The following HS3ST2 variants were observed in gnomAD, a reference collection of about 807,000 sequenced individuals.
HS3ST2 encodes heparan sulfate glucosamine 3-O-sulfotransferase 2.
A neutral mutation model predicts 26.3 loss-of-function variants in HS3ST2; 17 were observed. The observed-to-expected ratio is 0.65, with a 90% CI of 0.44 to 0.97. The LOEUF (loss-of-function observed/expected upper bound fraction) is 0.97, where lower values mean the gene tolerates loss of function less well. Ranked by LOEUF, HS3ST2 falls within the 50% of genes least tolerant of loss-of-function variation. The probability of loss-of-function intolerance (pLI) is 0.00; values close to 1 mark genes in which losing one functional copy is unlikely to be tolerated. For missense variants in HS3ST2, 402 were observed against 501.2 expected, an observed-to-expected ratio of 0.80 and a Z score of 1.89; for synonymous variants, 237 against 219.2, an observed-to-expected ratio of 1.08 and a Z score of -0.72.
intron 1 of HS3ST2, among the ~76,000 whole-genome samples, chr16:22,846,291 T>G (rs1262616154): frequency 7.4e-5 from 11 of 149,534 alleles, no homozygotes; most frequent in Admixed American, 2.7e-4. Flanking sequence ...AAAAAAAAAG[T>G]ATATATGTAT....
intron 1 of HS3ST2, among the ~76,000 whole-genome samples, chr16:22,892,936 T>C (rs998629901): frequency 2.6e-5 from 4 of 152,230 alleles, no homozygotes; most frequent in Admixed American, 6.5e-5. Context: ...GAATTACACT[T>C]GATTTATAGA....
chr16:22,847,940 AAGG>A (rs1453935094), intron 1 of HS3ST2, among the ~76,000 whole-genome samples: 1 of 151,180 alleles, frequency 6.6e-6, no homozygotes, highest in Non-Finnish European at 1.5e-5. Context: ...GGAAGGAAGG[AAGG>A]AGGGAGGGAA....
At chr16:22,872,215 A>G (rs1428975698) in intron 1 of HS3ST2, among the ~76,000 whole-genome samples, 2 of 152,246 alleles carry the variant, frequency 1.3e-5, no homozygotes, top group Non-Finnish European at 2.9e-5. Flanking sequence ...AAACCCAAGT[A>G]AAAGACTATT....
chr16:22,909,539 C>G (rs566195916), intron 1 of HS3ST2, among the ~76,000 whole-genome samples: 2 of 152,236 alleles, frequency 1.3e-5, no homozygotes, highest in African/African-American at 4.8e-5. Flanking sequence ...TACCTTTGCA[C>G]GTTATCATCA....
chr16:22,915,575 A>G lies in HS3ST2; in HGVS notation c.*13A>G. Reference sequence around the variant, plus strand: ...CAGGTGGGAATAAGCCCACGAAAGGAAAGGGCTCTCAAGGGCTCTTCTGCT... The same window carrying G: ...CAGGTGGGAATAAGCCCACGAAAGGGAAGGGCTCTCAAGGGCTCTTCTGCT... On this transcript the variant is annotated 3_prime_UTR_variant, in exon 2 of 2. Transcript: ENST00000261374. 6.2e-7 allele frequency: 1 copy of G among 1,605,882 alleles called. No individual in the cohort carries two copies. The highest frequency in any genetic ancestry group is 8.5e-7 in the Non-Finnish European group (1 of 1,175,886).
At chr16:22,902,193 C>A (rs2141204837) in intron 1 of HS3ST2, among the ~76,000 whole-genome samples, 1 of 152,258 alleles carries the variant, frequency 6.6e-6, no homozygotes, top group South Asian at 2.1e-4. Context: ...CTTTAGGTGT[C>A]AATATTTGTA....
chr16:22,821,501 A>C (rs551240661), intron 1 of HS3ST2, among the ~76,000 whole-genome samples: 77 of 151,830 alleles, frequency 5.1e-4, no homozygotes, highest in Non-Finnish European at 9.3e-4. Context: ...ACTTGAGGAG[A>C]GGTCATCTCC....
intron 1 of HS3ST2, among the ~76,000 whole-genome samples, chr16:22,819,777 G>A (rs1449237113): frequency 6.6e-6 from 1 of 152,194 alleles, no homozygotes; most frequent in Non-Finnish European, 1.5e-5. Flanking sequence ...AACAGTCTAA[G>A]TACGAAAGAG....
intron 1 of HS3ST2, among the ~76,000 whole-genome samples, chr16:22,912,502 C>T (rs1386201759): frequency 6.6e-6 from 1 of 152,230 alleles, no homozygotes; most frequent in Non-Finnish European, 1.5e-5. Flanking sequence ...TTGGGGAGTT[C>T]TTGGCTTTGC....
At chr16:22,893,921 G>A (rs1486643195) in intron 1 of HS3ST2, among the ~76,000 whole-genome samples, 7 of 151,816 alleles carry the variant, frequency 4.6e-5, no homozygotes. Flanking sequence ...CAAGCAGCTG[G>A]GACCACAGGC....
At chr16:22,905,331 T>A (rs571493737) in intron 1 of HS3ST2, among the ~76,000 whole-genome samples, 33 of 152,246 alleles carry the variant, frequency 2.2e-4, no homozygotes, top group African/African-American at 6.7e-4. Context: ...GGAGCTGTCC[T>A]GTGTTCCACT....
At chr16:22,817,299 A>G (rs551642912) in intron 1 of HS3ST2, among the ~76,000 whole-genome samples, 4 of 151,968 alleles carry the variant, frequency 2.6e-5, no homozygotes, top group Admixed American at 1.3e-4. Context: ...CCCTCTCCCC[A>G]TTGCTTGACC....
At chr16:22,845,340 T>A (rs1901416001) in intron 1 of HS3ST2, among the ~76,000 whole-genome samples, 1 of 141,972 alleles carries the variant, frequency 7.0e-6, no homozygotes, top group Non-Finnish European at 1.5e-5. Flanking sequence ...TGTGAACTCA[T>A]CTATTTATTT....
intron 1 of HS3ST2, among the ~76,000 whole-genome samples, chr16:22,853,867 TTGTC>T (rs1303419308): frequency 1.3e-5 from 2 of 151,962 alleles, no homozygotes; most frequent in Non-Finnish European, 1.5e-5. Flanking sequence ...CTGAGGCTGA[TTGTC>T]TGGTCAAGCA....
At chr16:22,904,373 G>C (rs562983613) in intron 1 of HS3ST2, among the ~76,000 whole-genome samples, 2 of 152,296 alleles carry the variant, frequency 1.3e-5, no homozygotes, top group African/African-American at 4.8e-5. Flanking sequence ...ACTAGACACT[G>C]TCAATATAGA....
intron 1 of HS3ST2, among the ~76,000 whole-genome samples, chr16:22,895,061 T>C (rs1420287606): frequency 7.6e-6 from 1 of 132,172 alleles, no homozygotes; most frequent in African/African-American, 2.7e-5. Context: ...CTTCTTCTTT[T>C]CTTTCTTTCT....
intron 1 of HS3ST2, among the ~76,000 whole-genome samples, chr16:22,838,424 G>T (rs991981466): frequency 6.6e-6 from 1 of 152,138 alleles, no homozygotes; most frequent in Admixed American, 6.5e-5. Context: ...GCTGGTGGAG[G>T]CCTCTTTCCT....
chr16:22,888,664 C>T (rs1023779811), intron 1 of HS3ST2, among the ~76,000 whole-genome samples: 2 of 152,062 alleles, frequency 1.3e-5, no homozygotes, highest in African/African-American at 4.8e-5. Flanking sequence ...GGATTACAGG[C>T]GTGTGCCACC....
chr16:22,860,222 G>A (rs1901655604), intron 1 of HS3ST2, among the ~76,000 whole-genome samples: 1 of 152,184 alleles, frequency 6.6e-6, no homozygotes, highest in African/African-American at 2.4e-5. Flanking sequence ...CACAATCTTG[G>A]TGGAAGACAA....
Sources: gnomAD v4.1 joint callset for allele counts (sites outside exome capture counted in the v4.1 genomes callset) on GRCh38, gnomAD v4.1.1 for gene constraint, MANE v1.5 for transcripts, NCBI Gene and HGNC (gene_info 2026-07-23, HGNC 2026-07-21) for gene names.